The following PPIP5K1 variants were observed in gnomAD, a reference collection of about 807,000 sequenced individuals.
PPIP5K1 encodes inositol hexakisphosphate and diphosphoinositol-pentakisphosphate kinase 1.
PPIP5K1 carries 6 observed loss-of-function variants against 27.7 expected under a neutral mutation model. The ratio of observed to expected loss-of-function variants is 0.22; its 90% confidence interval spans 0.12 to 0.43. The LOEUF is 0.43. Ranked by LOEUF, PPIP5K1 falls within the 20% of genes least tolerant of loss-of-function variation. The pLI is 1.00. For synonymous variants in PPIP5K1, 145 were observed against 242.6 expected, an observed-to-expected ratio of 0.60 and a Z score of 3.74; for missense variants, 394 against 635.4, an observed-to-expected ratio of 0.62 and a Z score of 4.08.
chr15:43,550,426 G>T (rs549152679), intron 30 of PPIP5K1, among the ~76,000 whole-genome samples: 1 of 152,114 alleles, frequency 6.6e-6, no homozygotes, highest in Non-Finnish European at 1.5e-5. Flanking sequence ...GAACACAGGC[G>T]TGAGCCACTG....
chr15:43,556,155 T>TA (rs200902514), intron 30 of PPIP5K1, among the ~76,000 whole-genome samples: 2,806 of 151,608 alleles, frequency 0.019, 44 homozygotes, highest in Middle Eastern at 0.041. Flanking sequence ...CTGTCTCTAC[T>TA]AAAAAAATAC....
intron 30 of PPIP5K1, among the ~76,000 whole-genome samples, chr15:43,542,114 C>A (rs937274922): frequency 2.0e-5 from 3 of 152,180 alleles, no homozygotes; most frequent in Non-Finnish European, 4.4e-5. Context: ...CATCAACTGG[C>A]ATATTCTCTG....
chr15:43,545,124 G>A (rs1038659052), intron 30 of PPIP5K1, among the ~76,000 whole-genome samples: 2 of 151,446 alleles, frequency 1.3e-5, no homozygotes, highest in Non-Finnish European at 2.9e-5. Context: ...CTTGCAGTGA[G>A]CCGAGATGGC....
intron 30 of PPIP5K1, 146 bp downstream of exon 30, chr15:43,558,649 G>C (rs984664428): frequency 5.0e-5 from 58 of 1,161,098 alleles, no homozygotes; most frequent in Non-Finnish European, 6.8e-5. Flanking sequence ...GAACCACTGC[G>C]CCCAGCCAGC....
At chr15:43,537,688 CAAA>C (rs1229197125) in intron 31 of PPIP5K1, among the ~76,000 whole-genome samples, 1 of 49,276 alleles carries the variant, frequency 2.0e-5, no homozygotes, top group African/African-American at 9.6e-5. Flanking sequence ...GACTCCATCT[CAAA>C]AAAAAAAAAA....
rs1293557795 is a variant in PPIP5K1, at chr15:43,551,606, G to GTTTTTTTT, written c.3556+7181_3556+7188dup. On this transcript the variant is annotated intron_variant, in intron 30 of 31. Transcript: ENST00000420765. ...TTTAGACTTTCTACTTCTTGATTCA[G>GTTTTTTTT]TTTTTTTTTTTTTTGAGACGGAGTC... 1.6e-4 allele frequency among the ~76,000 whole-genome samples: 17 copies of GTTTTTTTT among 105,450 alleles called. 6 individuals carry two copies. The highest frequency in any genetic ancestry group is 8.8e-4 in the African/African-American group (17 of 19,306). 69.2% of individuals were successfully genotyped at this position (105,450 alleles called of 152,430 possible).
chr15:43,558,296 C>T (rs955752809), intron 30 of PPIP5K1, among the ~76,000 whole-genome samples: 10 of 149,204 alleles, frequency 6.7e-5, no homozygotes, highest in African/African-American at 2.5e-4. Context: ...GGTGTGATCT[C>T]GGCTCCCTGC....
chr15:43,548,193 G>C (rs1204487181), intron 30 of PPIP5K1, among the ~76,000 whole-genome samples: 14 of 151,768 alleles, frequency 9.2e-5, no homozygotes, highest in Non-Finnish European at 2.1e-4. Context: ...CCGCCTCCCG[G>C]GTTCAAGCAA....
chr15:43,536,395 G>A (rs1452312665), intron 31 of PPIP5K1: 1 of 175,820 alleles, frequency 5.7e-6, no homozygotes, highest in Non-Finnish European at 1.2e-5. Context: ...CTCCAGCCTG[G>A]GCAACAAAGC....
intron 30 of PPIP5K1, among the ~76,000 whole-genome samples, chr15:43,540,514 TG>T (rs1335054940): frequency 6.6e-6 from 1 of 151,570 alleles, no homozygotes; most frequent in African/African-American, 2.4e-5. Flanking sequence ...CTGACCAACA[TG>T]GTGAAACCCC....
rs182597265 is a variant in PPIP5K1 at position 43,555,983 on chromosome 15, C to A, written c.3556+2812G>T. Among the ~76,000 whole-genome samples the A allele has an allele frequency of 5.3e-3, 802 of 152,186 alleles. 12 individuals are homozygous for A. In the Middle Eastern group the frequency reaches 0.058, roughly 11 times the overall value. ...CAGCAAATTAGAAAATAAACCAATTCAACACTAAATAAATAAATAGAGTCT... is the reference window on the plus strand; with the variant it reads ...CAGCAAATTAGAAAATAAACCAATTAAACACTAAATAAATAAATAGAGTCT... On this transcript the variant is annotated intron_variant, in intron 30 of 31. Transcript: ENST00000420765.
At chr15:43,541,629 A>G (rs1236118301) in intron 30 of PPIP5K1, among the ~76,000 whole-genome samples, 1 of 151,938 alleles carries the variant, frequency 6.6e-6, no homozygotes, top group East Asian at 1.9e-4. Context: ...AAGCAGGAGA[A>G]TCACTTGAAC....
intron 30 of PPIP5K1, among the ~76,000 whole-genome samples, chr15:43,553,184 C>T (rs551330541): frequency 6.6e-6 from 1 of 152,226 alleles, no homozygotes; most frequent in Admixed American, 6.5e-5. Context: ...TTTATAGATA[C>T]TTGTTTTGTG....
chr15:43,533,840 TCA>T lies in PPIP5K1; in HGVS notation c.*832_*833del, dbSNP rs1384690100. 1 of 152,208 alleles carries T rather than the reference TCA, an allele frequency of 6.6e-6. No individual in the cohort carries two copies. Among genetic ancestry groups the T allele is most frequent in the African/African-American group, 2.4e-5 (1 of 41,448 alleles). 9.4% of individuals were successfully genotyped at this position (152,208 alleles called of 1,614,324 possible). On this transcript the variant is annotated 3_prime_UTR_variant, in exon 32 of 32. Coordinates refer to ENST00000420765, the MANE Select transcript of PPIP5K1 (RefSeq NM_001394395.1). ...GCCCCACCACAGAGGAGGCCCACTT[TCA>T]CAGACTGGCTAAGAATCCTCTAGAG...
At chr15:43,554,620 T>TACAC (rs757647925) in intron 30 of PPIP5K1, among the ~76,000 whole-genome samples, 17,540 of 129,866 alleles carry the variant, frequency 0.14, 1,450 homozygotes, top group East Asian at 0.25. Context: ...ACACCTGGCA[T>TACAC]ACACACACAC....
At chr15:43,572,701 GTTT>G in intron 23 of PPIP5K1, 65 bp downstream of exon 23, 2 of 475,620 alleles carry the variant, frequency 4.2e-6, no homozygotes. Context: ...GGATAAGCAA[GTTT>G]TTTTTTTTTA....
chr15:43,583,593 C>CAGG lies in PPIP5K1; in HGVS notation c.151_153dup (p.Pro51dup). 3.8e-6 allele frequency: 1 copy of CAGG among 264,552 alleles called. No homozygotes were observed. Among genetic ancestry groups the CAGG allele is most frequent in the Middle Eastern group, 9.3e-4 (1 of 1,070 alleles). 16.4% of individuals were successfully genotyped at this position (264,552 alleles called of 1,614,324 possible). ...CAGATGCCAACAATGATCTGAGGTT[C>CAGG]AGGAGGCTACAGAGAGGAAGTGCTA... On this transcript the variant is annotated inframe_insertion, in exon 4 of 32. Transcript: ENST00000420765.
chr15:43,578,556 A>G (rs796129811), intron 11 of PPIP5K1, among the ~76,000 whole-genome samples: 199 of 115,512 alleles, frequency 1.7e-3, no homozygotes, highest in African/African-American at 5.1e-3. Flanking sequence ...AAAAAAAAAA[A>G]AAAGAAAGAA....
chr15:43,586,743 A>C (rs1424511628), intron 1 of PPIP5K1, among the ~76,000 whole-genome samples: 1 of 84,148 alleles, frequency 1.2e-5, no homozygotes, highest in African/African-American at 3.6e-5. Flanking sequence ...AATAATAATA[A>C]TAATAATAGA....
Sources: allele counts gnomAD v4.1 joint callset (sites outside exome capture counted in the v4.1 genomes callset), GRCh38; gene constraint gnomAD v4.1.1; transcripts MANE v1.5; gene names NCBI Gene and HGNC (gene_info 2026-07-23, HGNC 2026-07-21).